The following GLIS3 variants were observed in gnomAD, a reference collection of about 807,000 sequenced individuals.
The protein encoded by GLIS3 is GLIS family zinc finger 3.
A neutral mutation model predicts 78.6 loss-of-function variants in GLIS3; 53 were observed. That is an observed-to-expected ratio of 0.67 (90% CI 0.54 to 0.85). GLIS3 has a LOEUF of 0.85. Among genes scored for constraint, GLIS3 ranks in the 40% least tolerant of loss-of-function variants. The pLI is 0.00. For missense variants in GLIS3, 1,703 were observed against 1,231.1 expected (o/e 1.38, Z -5.74); for synonymous variants, 684 against 509.9 (o/e 1.34, Z -4.60).
chr9:4,415,555 C>T, the GLIS3 span, among the ~76,000 whole-genome samples: 222 of 152,238 alleles, frequency 1.5e-3, 1 homozygote, highest in African/African-American at 5.2e-3. Flanking sequence ...TTGTTCTCGG[C>T]CACTTCTCCC....
chr9:4,105,344 GC>G (rs1181521046), intron 4 of GLIS3, among the ~76,000 whole-genome samples: 11 of 152,196 alleles, frequency 7.2e-5, no homozygotes, highest in African/African-American at 2.4e-4. Context: ...TCACTCCCAG[GC>G]ACAGCTGTTT....
chr9:4,371,660 C>T, the GLIS3 span, among the ~76,000 whole-genome samples: 4 of 152,130 alleles, frequency 2.6e-5, no homozygotes, highest in Admixed American at 6.5e-5. Flanking sequence ...CTGGCCTCTG[C>T]CCCCTGCCTC....
chr9:3,961,897 A>G (rs1439183681), intron 4 of GLIS3, among the ~76,000 whole-genome samples: 2 of 152,184 alleles, frequency 1.3e-5, no homozygotes, highest in African/African-American at 4.8e-5. Context: ...CTTGACATAA[A>G]CATGGAATAT....
chr9:4,283,180 T>C (rs138324530), intron 2 of GLIS3, among the ~76,000 whole-genome samples: 33 of 152,250 alleles, frequency 2.2e-4, no homozygotes, highest in African/African-American at 7.9e-4. Context: ...TCTGCCTATA[T>C]AGCACAGGCC....
At chr9:3,996,281 G>C (rs929994110) in intron 4 of GLIS3, among the ~76,000 whole-genome samples, 1 of 152,066 alleles carries the variant, frequency 6.6e-6, no homozygotes, top group Non-Finnish European at 1.5e-5. Context: ...AAATATCTCA[G>C]AAGTAAGTTC....
intron 8 of GLIS3, among the ~76,000 whole-genome samples, chr9:3,871,786 C>T (rs759568159): frequency 2.6e-5 from 4 of 152,228 alleles, no homozygotes; most frequent in Non-Finnish European, 4.4e-5. Context: ...CTCTGAGATG[C>T]ACTGGAGACA....
intron 1 of GLIS3, among the ~76,000 whole-genome samples, chr9:4,296,109 G>A (rs2130435569): frequency 6.6e-6 from 1 of 152,236 alleles, no homozygotes; most frequent in East Asian, 1.9e-4. Flanking sequence ...CTCCAGAGAT[G>A]AGAAATGTGC....
chr9:4,061,407 G>T (rs1466151955), intron 4 of GLIS3, among the ~76,000 whole-genome samples: 2 of 151,890 alleles, frequency 1.3e-5, no homozygotes, highest in Non-Finnish European at 2.9e-5. Flanking sequence ...CCTTTTTTAT[G>T]GCTGCATAGT....
rs1454458238 is a variant in GLIS3 at position 4,286,129 on chromosome 9, C to A, written c.297G>T (p.Gln99His). ...QMLTNGKPRF[Q>H]VTQAGGMSGS... ...CTGACATGCCTCCAGCCTGGGTGACCTGGAATCGCGGCTTCCCATTGGTGA... is the reference window on the plus strand; with the variant it reads ...CTGACATGCCTCCAGCCTGGGTGACATGGAATCGCGGCTTCCCATTGGTGA... The change falls in exon 2 of 11, where the codon CAG (glutamine) becomes CAT (histidine). Residue 99 changes from glutamine (Q) to histidine (H), a missense_variant. Gln to His is a conservative substitution (Grantham distance 24, BLOSUM62 0). Transcript: ENST00000381971. 1.2e-6 allele frequency: 2 copies of A among 1,613,668 alleles called. No homozygotes were observed. Among genetic ancestry groups the A allele is most frequent in the African/African-American group, 2.7e-5 (2 of 75,058 alleles).
At chr9:3,992,189 T>C (rs1484977201) in intron 4 of GLIS3, among the ~76,000 whole-genome samples, 1 of 152,326 alleles carries the variant, frequency 6.6e-6, no homozygotes, top group South Asian at 2.1e-4. Context: ...CAAGGAGTAG[T>C]GGCATTTATT....
At chr9:4,169,494 A>C (rs1489337406) in intron 2 of GLIS3, among the ~76,000 whole-genome samples, 2 of 152,220 alleles carry the variant, frequency 1.3e-5, no homozygotes, top group Non-Finnish European at 2.9e-5. Flanking sequence ...GGCTTTAAAC[A>C]CTACGCTTGT....
At chr9:3,916,070 G>C (rs1025347705) in intron 6 of GLIS3, among the ~76,000 whole-genome samples, 1 of 152,144 alleles carries the variant, frequency 6.6e-6, no homozygotes, top group African/African-American at 2.4e-5. Flanking sequence ...ACAAAGAGTA[G>C]AAACATTAAG....
At chr9:4,346,226 A>T (rs10974483) in intron 2 of GLIS3, among the ~76,000 whole-genome samples, 2 of 152,054 alleles carry the variant, frequency 1.3e-5, no homozygotes, top group South Asian at 2.1e-4. Context: ...ATCCAATAAG[A>T]TTAGAAATAA....
rs1356543489 is a variant in GLIS3 at position 4,328,821 on chromosome 9, A to G, written n.264+18260T>C. On this transcript the variant is annotated intron_variant and non_coding_transcript_variant, in intron 2 of 4. Transcript: ENST00000471664. ...GCATTATGGCACATGCAGCATTTAGATCAGTGCCCGGCACGTGACAAGCAT... is the reference window on the plus strand; with the variant it reads ...GCATTATGGCACATGCAGCATTTAGGTCAGTGCCCGGCACGTGACAAGCAT... 2.6e-5 allele frequency among the ~76,000 whole-genome samples: 4 copies of G among 152,312 alleles called. No homozygotes were observed. The East Asian group carries it at 5.8e-4, about 22-fold the overall frequency.
intron 2 of GLIS3, among the ~76,000 whole-genome samples, chr9:4,149,781 G>C (rs1834523109): frequency 6.6e-6 from 1 of 152,116 alleles, no homozygotes; most frequent in Non-Finnish European, 1.5e-5. Flanking sequence ...GAGATCAAGA[G>C]AATCACAGCA....
intron 2 of GLIS3, among the ~76,000 whole-genome samples, chr9:4,335,163 A>C (rs973931968): frequency 9.2e-5 from 14 of 152,070 alleles, no homozygotes; most frequent in African/African-American, 2.4e-4. Context: ...CCGCCTTGGC[A>C]TCCCAAAGTG....
In GLIS3 at chr9:4,239,925, C is replaced by T. The variant is rs957814803; in HGVS notation, c.388+46113G>A. ...CTTTACAGGAATAAAGGATAACAGC[C>T]CCATCTCAAACTCATCTGCCTTATT... On this transcript the variant is annotated intron_variant, in intron 2 of 10. Coordinates refer to ENST00000381971, the MANE Select transcript of GLIS3 (RefSeq NM_001042413.2). 2.6e-5 allele frequency among the ~76,000 whole-genome samples: 4 copies of T among 152,082 alleles called. No individual in the cohort carries two copies. In the South Asian group the frequency reaches 8.3e-4, roughly 32 times the overall value.
the GLIS3 span, among the ~76,000 whole-genome samples, chr9:4,408,519 G>C: frequency 6.6e-6 from 1 of 151,698 alleles, no homozygotes; most frequent in Non-Finnish European, 1.5e-5. Flanking sequence ...ACAAGGTCAG[G>C]AGATCGAGAC....
intron 2 of GLIS3, among the ~76,000 whole-genome samples, chr9:4,211,146 G>T (rs954293185): frequency 6.6e-6 from 1 of 152,198 alleles, no homozygotes; most frequent in African/African-American, 2.4e-5. Flanking sequence ...TGACCACATG[G>T]TAAGTAACCA....
Sources: gnomAD v4.1 joint callset for allele counts (sites outside exome capture counted in the v4.1 genomes callset) on GRCh38, gnomAD v4.1.1 for gene constraint, MANE v1.5 for transcripts, NCBI Gene and HGNC (gene_info 2026-07-23, HGNC 2026-07-21) for gene names.